Variants in MUC13 observed in about 807,000 individuals in gnomAD.
MUC13 encodes mucin-13.
Under a neutral mutation model 48.3 loss-of-function variants are expected in MUC13, and 32 were observed. That is an observed-to-expected ratio of 0.66 (90% CI 0.50 to 0.89). The LOEUF (loss-of-function observed/expected upper bound fraction) is 0.89, where lower values mean the gene tolerates loss of function less well. Among genes scored for constraint, MUC13 ranks in the 40% least tolerant of loss-of-function variants. The probability of loss-of-function intolerance (pLI) is 0.00; values close to 1 mark genes in which losing one functional copy is unlikely to be tolerated. For synonymous variants in MUC13, 199 were observed against 224.9 expected (o/e 0.88, Z 1.03); for missense variants, 571 against 622.8 (o/e 0.92, Z 0.88).
intron 2 of MUC13, among the ~76,000 whole-genome samples, chr3:124,925,938 A>C (rs1935678038): frequency 6.7e-6 from 1 of 149,884 alleles, no homozygotes; most frequent in South Asian, 2.2e-4. Context: ...TTTTAAAGAG[A>C]AAAAAAATAG....
chr3:124,927,813 C>A lies in MUC13; in HGVS notation c.233G>T (p.Ser78Ile). ...SPAPPIISTH[S>I]SSTIPTPAPP... ...AGCAGGTGTAGGAATTGTGGAGGAACTATGTGTACTAATTATGGGGGGAGC... is the reference window on the plus strand; with the variant it reads ...AGCAGGTGTAGGAATTGTGGAGGAAATATGTGTACTAATTATGGGGGGAGC... Residue 78 changes from serine (S) to isoleucine (I), a missense_variant, in exon 2 of 12, where the codon AGT becomes ATT. Transcript: ENST00000616727. The A allele has an allele frequency of 5.6e-6, 9 of 1,613,456 alleles. No individual in the cohort carries two copies. The highest frequency in any genetic ancestry group is 7.6e-6 in the Non-Finnish European group (9 of 1,179,908).
intron 1 of MUC13, among the ~76,000 whole-genome samples, chr3:124,932,469 G>A (rs1935814227): frequency 6.6e-6 from 1 of 152,002 alleles, no homozygotes; most frequent in Admixed American, 6.6e-5. Context: ...TGGAGGCTGA[G>A]GCAGGAGAAT....
rs756716059 is a variant in MUC13, at chr3:124,923,647, G to C, written c.517C>G (p.Pro173Ala). Residue 173 changes from proline to alanine, a missense_variant and splice_region_variant, in exon 3 of 12, where the codon CCC becomes GCC. Transcript: ENST00000616727. ...GGATCATCTTGGCAAGGATTGCTGG[G>C]ACCTTAGATGGAGTAGAAAGAGATT... ...LETSTLNSTG[P>A]SNPCQDDPCA... The C allele has an allele frequency of 1.7e-5, 27 of 1,612,056 alleles. No individual in the cohort carries two copies. Among genetic ancestry groups the C allele is most frequent in the Non-Finnish European group, 2.3e-5 (27 of 1,179,448 alleles).
At chr3:124,919,484 C>T (rs1935558957) in intron 5 of MUC13, among the ~76,000 whole-genome samples, 1 of 151,372 alleles carries the variant, frequency 6.6e-6, no homozygotes, top group Non-Finnish European at 1.5e-5. Flanking sequence ...GCCACCATGT[C>T]TGGCCTTCAC....
chr3:124,918,226 T>C (rs1935538558), intron 5 of MUC13, among the ~76,000 whole-genome samples: 1 of 151,442 alleles, frequency 6.6e-6, no homozygotes, highest in Non-Finnish European at 1.5e-5. Flanking sequence ...GCTTGGGGAG[T>C]CAGAGTGGAG....
intron 9 of MUC13, among the ~76,000 whole-genome samples, 189 bp downstream of exon 9, chr3:124,911,915 G>A (rs568008269): frequency 6.6e-6 from 1 of 152,294 alleles, no homozygotes; most frequent in Admixed American, 6.5e-5. Flanking sequence ...TGGCAGAGGG[G>A]CTGCTGTTCA....
chr3:124,907,379 G>C (rs1465135117), intron 11 of MUC13, among the ~76,000 whole-genome samples: 1 of 152,130 alleles, frequency 6.6e-6, no homozygotes, highest in Non-Finnish European at 1.5e-5. Flanking sequence ...ACTTTGGAAG[G>C]ACGAGGCGAG....
chr3:124,932,671 A>G (rs897509812), intron 1 of MUC13, among the ~76,000 whole-genome samples: 6 of 152,176 alleles, frequency 3.9e-5, no homozygotes, highest in African/African-American at 1.4e-4. Flanking sequence ...GTATCCCGGC[A>G]CATCAGGCTC....
rs960895258 is a variant in MUC13 at position 124,908,223 on chromosome 3, C to T, written c.1463G>A (p.Arg488Lys). ...GAEGSVFPKV[R>K]ITASRDSQMQ... is the part of the protein sequence containing the mutation. ...CTGGCTGTCTCTGGAGGCCGTTATC[C>T]TGACCTTAGGAAAGACGCTCCCTTC... The change falls in exon 11 of 12, where the codon AGG becomes AAG. Residue 488 changes from arginine to lysine, a missense_variant. By Grantham distance (26) the Arg-to-Lys change is conservative. Transcript: ENST00000616727. 1 of 1,614,036 alleles carries T rather than the reference C, an allele frequency of 6.2e-7. No homozygotes were observed. The highest frequency in any genetic ancestry group is 8.5e-7 in the Non-Finnish European group (1 of 1,180,040).
rs193290603 is a variant in MUC13 at position 124,928,249 on chromosome 3, A to G, written c.53-256T>C. 4.2e-3 allele frequency among the ~76,000 whole-genome samples: 645 copies of G among 152,206 alleles called. 15 individuals are homozygous for G. Among genetic ancestry groups the G allele is most frequent in the Admixed American group, 0.037 (563 of 15,278 alleles). On this transcript the variant is annotated intron_variant, in intron 1 of 11. Coordinates refer to ENST00000616727, the MANE Select transcript of MUC13 (RefSeq NM_033049.4). ...TTCTTTTCTGGAAAAATGAAAATAT[A>G]TGACTACATTAAAAATTAAAATACA...
At chr3:124,917,769 C>T (rs964196445) in intron 5 of MUC13, among the ~76,000 whole-genome samples, 12 of 144,946 alleles carry the variant, frequency 8.3e-5, no homozygotes, top group Admixed American at 1.4e-4. Flanking sequence ...GCGGGGGAGG[C>T]GGCAGGGAGT....
At position 124,912,130 on chromosome 3, in the gene MUC13, C is replaced by G; in HGVS notation, c.1226G>C (p.Gly409Ala). 2 of 1,613,082 alleles carry G rather than the reference C, an allele frequency of 1.2e-6. No individual in the cohort carries two copies. The highest frequency in any genetic ancestry group is 1.7e-6 in the Non-Finnish European group (2 of 1,179,624). ...ANGNCQKCAF[G>A]YSGLDCKDKF... ...GTCCTTACAGTCGAGTCCACTGTAGCCAAATGCACACCTGAAATACAGTGA... is the reference window on the plus strand; with the variant it reads ...GTCCTTACAGTCGAGTCCACTGTAGGCAAATGCACACCTGAAATACAGTGA... The change falls in exon 9 of 12, where the codon GGC becomes GCC. Residue 409 changes from glycine to alanine, a missense_variant. Physicochemically the swap from Gly to Ala is moderately conservative, Grantham distance 60 (BLOSUM62 0). Transcript: ENST00000616727.
chr3:124,919,068 T>G (rs1935550938), intron 5 of MUC13, among the ~76,000 whole-genome samples: 1 of 152,146 alleles, frequency 6.6e-6, no homozygotes, highest in Admixed American at 6.5e-5. Context: ...CTGGGAGTGG[T>G]GGCTCACACC....
intron 2 of MUC13, among the ~76,000 whole-genome samples, chr3:124,924,811 A>T (rs1935661039): frequency 6.6e-6 from 1 of 152,170 alleles, no homozygotes; most frequent in Admixed American, 6.5e-5. Context: ...ATTTACTTTT[A>T]TTAAAAAATA....
chr3:124,925,121 C>A (rs1305308523), intron 2 of MUC13, among the ~76,000 whole-genome samples: 1 of 152,154 alleles, frequency 6.6e-6, no homozygotes, highest in Non-Finnish European at 1.5e-5. Flanking sequence ...ACTGGTACAT[C>A]TAGACAATGG....
At chr3:124,922,138 T>C in intron 4 of MUC13, 59 bp downstream of exon 4, 1 of 1,592,286 alleles carries the variant, frequency 6.3e-7, no homozygotes, top group Non-Finnish European at 8.6e-7. Context: ...CTCTACACTC[T>C]GCAACTCAGT....
chr3:124,927,805 T>C lies in MUC13; in HGVS notation c.241A>G (p.Thr81Ala), dbSNP rs1455474063. The change falls in exon 2 of 12, where the codon ACA becomes GCA. Residue 81 changes from threonine to alanine, a missense_variant. Transcript: ENST00000616727. ...ATGGGGGGAGCAGGTGTAGGAATTGTGGAGGAACTATGTGTACTAATTATG... is the reference window on the plus strand; with the variant it reads ...ATGGGGGGAGCAGGTGTAGGAATTGCGGAGGAACTATGTGTACTAATTATG... Reference protein sequence around the residue: ...PPIISTHSSSTIPTPAPPIIS... With the variant: ...PPIISTHSSSAIPTPAPPIIS... 6.2e-7 allele frequency: 1 copy of C among 1,613,984 alleles called. No homozygotes were observed. The highest frequency in any genetic ancestry group is 8.5e-7 in the Non-Finnish European group (1 of 1,180,024).
chr3:124,926,833 T>C (rs1054510504), intron 2 of MUC13, among the ~76,000 whole-genome samples: 3 of 152,268 alleles, frequency 2.0e-5, no homozygotes, highest in Admixed American at 6.5e-5. Context: ...AGACCCCACA[T>C]GGCCCACAAG....
At chr3:124,917,332 T>C (rs1249530442) in intron 5 of MUC13, among the ~76,000 whole-genome samples, 1 of 148,540 alleles carries the variant, frequency 6.7e-6, no homozygotes, top group Non-Finnish European at 1.5e-5. Flanking sequence ...TAAATGTTTT[T>C]TTCTATACAC....
Sources: gnomAD v4.1 joint callset for allele counts (sites outside exome capture counted in the v4.1 genomes callset) on GRCh38, gnomAD v4.1.1 for gene constraint, MANE v1.5 for transcripts, NCBI Gene and HGNC (gene_info 2026-07-23, HGNC 2026-07-21) for gene names.